Variants in IGF2R observed in about 807,000 individuals in gnomAD.
The protein encoded by IGF2R is cation-independent mannose-6-phosphate receptor.
A neutral mutation model predicts 270.6 loss-of-function variants in IGF2R; 91 were observed. That is an observed-to-expected ratio of 0.34 (90% CI 0.28 to 0.40). IGF2R has a LOEUF of 0.40. Ranked by LOEUF, IGF2R falls within the 10% of genes least tolerant of loss-of-function variation. The probability of loss-of-function intolerance (pLI) is 1.00; values close to 1 mark genes in which losing one functional copy is unlikely to be tolerated. For synonymous variants in IGF2R, 1,316 were observed against 1,258.9 expected (o/e 1.05, Z -0.96); for missense variants, 2,805 against 3,188.3 (o/e 0.88, Z 2.90).
rs188618664 is a variant in IGF2R at position 160,102,491 on chromosome 6, C to T, written c.6843-28C>T. ...GTGGCAGCAGGACCACCCTGTGACACGGCTCCTTTTCTGTGACGTCCTTGC... is the reference window on the plus strand; with the variant it reads ...GTGGCAGCAGGACCACCCTGTGACATGGCTCCTTTTCTGTGACGTCCTTGC... On this transcript the variant is annotated intron_variant, in intron 45 of 47. Transcript: ENST00000356956. The surrounding 1 kb of genome is among the most constrained non-coding windows in gnomAD (Gnocchi z 4.5). 3.6e-5 allele frequency: 57 copies of T among 1,602,292 alleles called. No homozygotes were observed. In the East Asian group the frequency reaches 6.0e-4, roughly 17 times the overall value.
rs1445412501 is a variant in IGF2R at position 160,032,570 on chromosome 6, C to A, written c.902C>A (p.Thr301Lys). 6.2e-7 allele frequency: 1 copy of A among 1,613,876 alleles called. No homozygotes were observed. Among genetic ancestry groups the A allele is most frequent in the African/African-American group, 1.3e-5 (1 of 74,930 alleles). ...TGATAGGGCACCATTCCCAAACTCA[C>A]AGCTAAATCCAACTGCCGCTATGAA... Reference protein sequence around the residue: ...ERREGTIPKLTAKSNCRYEIE... With the variant: ...ERREGTIPKLKAKSNCRYEIE... Residue 301 changes from threonine (T) to lysine (K), a missense_variant, in exon 8 of 48, where the codon ACA (threonine) becomes AAA (lysine). This residue lies in a region of IGF2R where 954 missense variants were observed against 981.1 expected (regional missense o/e 0.97). Coordinates refer to ENST00000356956, the MANE Select transcript of IGF2R (RefSeq NM_000876.4).
At chr6:160,034,328 C>T (rs915951130) in intron 9 of IGF2R, 91 bp from the exon 10 acceptor site, 21 of 772,558 alleles carry the variant, frequency 2.7e-5, no homozygotes, top group African/African-American at 6.9e-5. Flanking sequence ...GTTGATGCTA[C>T]GCAAAAGGCT....
chr6:160,049,524 A>G (rs1778147310), intron 18 of IGF2R, among the ~76,000 whole-genome samples: 1 of 152,120 alleles, frequency 6.6e-6, no homozygotes. Flanking sequence ...GGCCAGTTGG[A>G]CGGGGTCTGA....
Position 160,083,951 on chromosome 6 carries a change from A to C in IGF2R, c.5835A>C (p.Ser1945=). The change falls in exon 40 of 48, where the codon TCA becomes TCC. Residue 1945 remains serine, a splice_region_variant and synonymous_variant. Transcript: ENST00000356956. ...RDHEWGFCRH[S]NSYRTSSIIF... The stretch of plus-strand genomic sequence containing the variant: ...CTCTCTTTTCCCTACACTCCCCAGC[A>C]AACAGCTACCGGACATCCAGCATCA... 5 of 1,611,256 alleles carry C rather than the reference A, an allele frequency of 3.1e-6. No homozygotes were observed.
chr6:160,015,558 CTG>C (rs1012068163), intron 4 of IGF2R, among the ~76,000 whole-genome samples: 16 of 152,254 alleles, frequency 1.1e-4, no homozygotes, highest in Admixed American at 5.2e-4. Flanking sequence ...CTTCATGAAA[CTG>C]TACCGCAAAG....
chr6:160,011,608 G>C (rs1456273681), intron 4 of IGF2R, among the ~76,000 whole-genome samples: 2 of 135,560 alleles, frequency 1.5e-5, no homozygotes, highest in African/African-American at 5.5e-5. Context: ...TGATACGCAA[G>C]AATAAATTAC....
At chr6:160,024,165 A>C in intron 4 of IGF2R, among the ~76,000 whole-genome samples, 1 of 152,182 alleles carries the variant, frequency 6.6e-6, no homozygotes, top group Non-Finnish European at 1.5e-5. Flanking sequence ...AGAGAATGGA[A>C]GGCAGGAAGA....
chr6:160,015,734 T>C (rs1777275520), intron 4 of IGF2R, among the ~76,000 whole-genome samples: 1 of 152,196 alleles, frequency 6.6e-6, no homozygotes. Context: ...CACATTGAAT[T>C]TGAATCCCTA....
At chr6:160,076,456 A>C (rs572016450) in intron 36 of IGF2R, among the ~76,000 whole-genome samples, 2 of 152,288 alleles carry the variant, frequency 1.3e-5, no homozygotes, top group South Asian at 4.1e-4. Context: ...TGAGGTATTG[A>C]CTTCCATTTT....
intron 4 of IGF2R, among the ~76,000 whole-genome samples, chr6:160,023,768 A>G (rs1777490826): frequency 6.6e-6 from 1 of 152,228 alleles, no homozygotes; most frequent in Non-Finnish European, 1.5e-5. Context: ...GGCTAGAGAC[A>G]TGAATTTGGG....
intron 4 of IGF2R, among the ~76,000 whole-genome samples, chr6:160,012,253 A>G (rs994462150): frequency 6.6e-6 from 1 of 152,198 alleles, no homozygotes; most frequent in Non-Finnish European, 1.5e-5. Flanking sequence ...ACATACTGTT[A>G]GCGGTGGGAA....
rs781733968 is a variant in IGF2R, at chr6:160,032,546, G to C, written c.883-5G>C. ...ATTTTGCTTCTTTCACATTGTTCCT[G>C]ATAGGGCACCATTCCCAAACTCACA... is the stretch of plus-strand genomic sequence containing the variant. On this transcript the variant is annotated splice_region_variant and splice_polypyrimidine_tract_variant and intron_variant, in intron 7 of 47. Transcript: ENST00000356956. The C allele has an allele frequency of 1.2e-6, 2 of 1,613,238 alleles. No homozygotes were observed. The highest frequency in any genetic ancestry group is 2.2e-5 in the South Asian group (2 of 90,994).
chr6:160,035,170 G>A (rs1035259710), intron 10 of IGF2R, among the ~76,000 whole-genome samples: 2 of 152,142 alleles, frequency 1.3e-5, no homozygotes, highest in African/African-American at 4.8e-5. Flanking sequence ...TGACCCCCAG[G>A]CTGTGACTCC....
chr6:160,015,654 C>A lies in IGF2R; in HGVS notation c.513+4869C>A, dbSNP rs796849397. Among the ~76,000 whole-genome samples, 9 of 152,360 alleles carry A rather than the reference C, an allele frequency of 5.9e-5. No individual in the cohort carries two copies. In the South Asian group the frequency reaches 1.9e-3, roughly 32 times the overall value. The stretch of plus-strand genomic sequence containing the variant: ...TTTCTGTCCTGGGCAGGGAGTCTTG[C>A]AGCCTGGGGCAGTTTCACCATCTGA... On this transcript the variant is annotated intron_variant, in intron 4 of 47. Transcript: ENST00000356956.
Position 160,019,931 on chromosome 6 carries a change from A to G in IGF2R, c.514-4641A>G, listed in dbSNP as rs117256768. Among the ~76,000 whole-genome samples the G allele has an allele frequency of 4.6e-5, 7 of 152,270 alleles. No homozygotes were observed. In the East Asian group the frequency reaches 1.3e-3, roughly 29 times the overall value. ...TGATGCCCACTTTTTCATCTCTCCT[A>G]TTCAACATAGTACTGGAAGTCCTAC... is the stretch of plus-strand genomic sequence containing the variant. On this transcript the variant is annotated intron_variant, in intron 4 of 47. Transcript: ENST00000356956.
intron 23 of IGF2R, 89 bp from the exon 24 acceptor site, chr6:160,061,414 C>G: frequency 8.2e-7 from 1 of 1,220,238 alleles, no homozygotes; most frequent in Non-Finnish European, 1.2e-6. Context: ...AGGTTCACGC[C>G]TCCTCAGGGC....
intron 30 of IGF2R, 89 bp from the exon 31 acceptor site, chr6:160,069,779 C>A: frequency 8.6e-7 from 1 of 1,165,756 alleles, no homozygotes; most frequent in Non-Finnish European, 1.2e-6. Context: ...TGAAGTTCTG[C>A]AGCGTGTGTG....
At chr6:159,974,111 G>A (rs1783653096) in intron 1 of IGF2R, among the ~76,000 whole-genome samples, 1 of 152,194 alleles carries the variant, frequency 6.6e-6, no homozygotes, top group Admixed American at 6.5e-5. Flanking sequence ...TTCCACCAGT[G>A]ATGTATGAGA....
chr6:160,025,920 C>G (rs567435219), intron 5 of IGF2R, among the ~76,000 whole-genome samples: 1 of 152,278 alleles, frequency 6.6e-6, no homozygotes, highest in African/African-American at 2.4e-5. Context: ...TATTTTCTTA[C>G]AAGTTTTTTC....
Sources: allele counts gnomAD v4.1 joint callset (sites outside exome capture counted in the v4.1 genomes callset), GRCh38; gene constraint gnomAD v4.1.1; regional missense constraint gnomAD v4.1.1; non-coding constraint Gnocchi (gnomAD v3.1); transcripts MANE v1.5; gene names NCBI Gene and HGNC (gene_info 2026-07-23, HGNC 2026-07-21).